The following PCSK5 variants were observed in gnomAD, a reference collection of about 807,000 sequenced individuals.
PCSK5 encodes the protein proprotein convertase subtilisin/kexin type 5, also known as prohormone convertase 5.
Under a neutral mutation model 233.2 loss-of-function variants are expected in PCSK5, and 129 were observed. The observed-to-expected ratio is 0.55, with a 90% CI of 0.48 to 0.64. The LOEUF (loss-of-function observed/expected upper bound fraction) is 0.64, where lower values mean the gene tolerates loss of function less well. Ranked by LOEUF, PCSK5 falls within the 30% of genes least tolerant of loss-of-function variation. The pLI is 0.00. For synonymous variants in PCSK5, 825 were observed against 879.2 expected, an observed-to-expected ratio of 0.94 and a Z score of 1.09; for missense variants, 2,076 against 2,430.1, an observed-to-expected ratio of 0.85 and a Z score of 3.06.
intron 10 of PCSK5, among the ~76,000 whole-genome samples, chr9:76,144,115 T>A (rs774485739): frequency 6.6e-6 from 1 of 152,134 alleles, no homozygotes; most frequent in Non-Finnish European, 1.5e-5. Flanking sequence ...TTTTCCTCCT[T>A]CCGAAGTATT....
At chr9:76,049,854 T>G (rs1408564714) in intron 5 of PCSK5, among the ~76,000 whole-genome samples, 2 of 152,202 alleles carry the variant, frequency 1.3e-5, no homozygotes, top group Non-Finnish European at 2.9e-5. Flanking sequence ...ACTCAATCAT[T>G]AACAGATTTT....
chr9:76,036,634 T>C (rs977907995), intron 5 of PCSK5, among the ~76,000 whole-genome samples: 9 of 152,226 alleles, frequency 5.9e-5, no homozygotes, highest in African/African-American at 1.4e-4. Flanking sequence ...TGTAAACAAC[T>C]GCTAATAAAA....
rs112960689 is a variant in PCSK5, at chr9:76,161,256, G to T, written c.1619+2085G>T. Reference sequence around the variant, plus strand: ...CATAAGGATTCCTCAGCATAGGATCGCTGGGCACTTCCTCATGTCCTCCTC... The same window carrying T: ...CATAAGGATTCCTCAGCATAGGATCTCTGGGCACTTCCTCATGTCCTCCTC... On this transcript the variant is annotated intron_variant, in intron 12 of 37. Transcript: ENST00000674117. Among the ~76,000 whole-genome samples the T allele has an allele frequency of 5.9e-5, 9 of 152,210 alleles. 1 individual carries two copies. Among genetic ancestry groups the T allele is most frequent in the Middle Eastern group, 3.4e-3 (1 of 294 alleles).
At chr9:76,289,759 T>C (rs1025975950) in intron 24 of PCSK5, among the ~76,000 whole-genome samples, 13 of 152,342 alleles carry the variant, frequency 8.5e-5, no homozygotes, top group African/African-American at 2.9e-4. Context: ...ATAATTCTCA[T>C]TCTTCAGAAC....
chr9:75,898,020 T>G (rs985834819), intron 1 of PCSK5, among the ~76,000 whole-genome samples: 5 of 152,236 alleles, frequency 3.3e-5, no homozygotes, highest in Admixed American at 6.5e-5. Context: ...CATGCCTTTA[T>G]ATGCCTTTCT....
intron 31 of PCSK5, among the ~76,000 whole-genome samples, chr9:76,322,504 C>T (rs997391828): frequency 2.0e-5 from 3 of 152,136 alleles, no homozygotes; most frequent in African/African-American, 7.2e-5. Flanking sequence ...CCAAAGTATT[C>T]TCTTGGTGTG....
intron 2 of PCSK5, among the ~76,000 whole-genome samples, chr9:75,952,327 A>G (rs936747856): frequency 1.3e-4 from 20 of 152,214 alleles, no homozygotes; most frequent in Non-Finnish European, 2.4e-4. Context: ...CAAGATACAG[A>G]CTGTCAACTC....
At chr9:76,029,018 G>A (rs994046320) in intron 5 of PCSK5, among the ~76,000 whole-genome samples, 21 of 152,172 alleles carry the variant, frequency 1.4e-4, no homozygotes, top group Non-Finnish European at 2.4e-4. Flanking sequence ...CTTAAAGTGC[G>A]GCCTATGAAG....
chr9:76,076,999 C>G (rs181376794), intron 7 of PCSK5, among the ~76,000 whole-genome samples: 194 of 152,256 alleles, frequency 1.3e-3, no homozygotes, highest in African/African-American at 3.7e-3. Flanking sequence ...AACATTTAAT[C>G]TTCATGATGA....
chr9:75,995,035 C>T (rs1354285206), intron 3 of PCSK5, among the ~76,000 whole-genome samples: 3 of 152,222 alleles, frequency 2.0e-5, no homozygotes, highest in African/African-American at 7.2e-5. Flanking sequence ...AATTCCTTCC[C>T]TTCACAGATC....
intron 37 of PCSK5, among the ~76,000 whole-genome samples, chr9:76,356,959 T>C (rs1830317486): frequency 6.6e-6 from 1 of 152,228 alleles, no homozygotes; most frequent in South Asian, 2.1e-4. Flanking sequence ...ACTCAGCTTG[T>C]ACATCCAACA....
intron 2 of PCSK5, among the ~76,000 whole-genome samples, chr9:75,953,888 A>G (rs899358241): frequency 6.6e-6 from 1 of 152,118 alleles, no homozygotes; most frequent in Admixed American, 6.6e-5. Context: ...CATTTTACTT[A>G]TGAGCCCCAT....
intron 34 of PCSK5, among the ~76,000 whole-genome samples, chr9:76,334,952 C>T (rs1829635102): frequency 6.6e-6 from 1 of 152,080 alleles, no homozygotes; most frequent in East Asian, 1.9e-4. Context: ...CAGGCAGGCA[C>T]CTGTGATCCC....
intron 5 of PCSK5, among the ~76,000 whole-genome samples, chr9:76,060,022 C>CTG (rs1829969449): frequency 1.3e-5 from 2 of 152,090 alleles, no homozygotes; most frequent in African/African-American, 4.8e-5. Flanking sequence ...AAGACTTTCT[C>CTG]AAAGGTCTTT....
At chr9:76,132,323 A>G (rs187434644) in intron 9 of PCSK5, among the ~76,000 whole-genome samples, 1 of 152,152 alleles carries the variant, frequency 6.6e-6, no homozygotes, top group East Asian at 1.9e-4. Context: ...TTTTTGCTTT[A>G]TCAGGTTCTA....
At chr9:75,986,343 C>A in intron 3 of PCSK5, 98 bp downstream of exon 3, 1 of 734,396 alleles carries the variant, frequency 1.4e-6, no homozygotes, top group Non-Finnish European at 2.5e-6. Flanking sequence ...GAAATACTGA[C>A]CAGGGATTGT....
intron 31 of PCSK5, 52 bp downstream of exon 31, chr9:76,321,691 G>A (rs1472855466): frequency 1.7e-6 from 2 of 1,208,400 alleles, no homozygotes; most frequent in Non-Finnish European, 2.4e-6. Context: ...CCACCAGTTG[G>A]GGGCCGATTA....
At chr9:76,194,281 T>TGG (rs1824578377) in intron 20 of PCSK5, 1 of 152,180 alleles carries the variant, frequency 6.6e-6, no homozygotes, top group Non-Finnish European at 1.5e-5. Flanking sequence ...TTTGTCATGG[T>TGG]GGGAAGCATT....
At chr9:76,053,248 C>G (rs1829698888) in intron 5 of PCSK5, among the ~76,000 whole-genome samples, 1 of 152,194 alleles carries the variant, frequency 6.6e-6, no homozygotes, top group South Asian at 2.1e-4. Context: ...GCTCCCACCC[C>G]ACATTTCCCT....
Sources: gnomAD v4.1 joint callset for allele counts (sites outside exome capture counted in the v4.1 genomes callset) on GRCh38, gnomAD v4.1.1 for gene constraint, MANE v1.5 for transcripts, NCBI Gene and HGNC (gene_info 2026-07-23, HGNC 2026-07-21) for gene names.